Variants in MBD2 observed in about 807,000 individuals in gnomAD.
MBD2 encodes methyl-CpG binding domain protein 2.
Under a neutral mutation model 39.3 loss-of-function variants are expected in MBD2, and 9 were observed. The ratio of observed to expected loss-of-function variants is 0.23; its 90% CI spans 0.14 to 0.40. MBD2 has a LOEUF of 0.40. Among genes scored for constraint, MBD2 ranks in the 10% least tolerant of loss-of-function variants. The pLI is 1.00. For missense variants in MBD2, 458 were observed against 532.6 expected, an observed-to-expected ratio of 0.86 and a Z score of 1.38; for synonymous variants, 233 against 211.1, an observed-to-expected ratio of 1.10 and a Z score of -0.90.
chr18:54,173,462 C>T (rs1270702733), intron 3 of MBD2, among the ~76,000 whole-genome samples: 3 of 152,098 alleles, frequency 2.0e-5, no homozygotes, highest in East Asian at 3.9e-4. Context: ...GCAAGTATGA[C>T]GCAGCAGTAG....
chr18:54,152,605 C>T lies in MBD2; in HGVS notation c.*2719G>A, dbSNP rs1225266790. Reference sequence around the variant, plus strand: ...AATAAAATACAGACTTAGAAAATGTCTACAAAAGAAATAGGGTGCTGAGGC... The same window carrying T: ...AATAAAATACAGACTTAGAAAATGTTTACAAAAGAAATAGGGTGCTGAGGC... On this transcript the variant is annotated 3_prime_UTR_variant, in exon 7 of 7. Transcript: ENST00000256429. 2 of 152,156 alleles carry T rather than the reference C, an allele frequency of 1.3e-5. No individual in the cohort carries two copies. The highest frequency in any genetic ancestry group is 4.8e-5 in the African/African-American group (2 of 41,432). 9.4% of individuals were successfully genotyped at this position (152,156 alleles called of 1,614,324 possible). A position where few individuals can be genotyped will look rare whatever the true frequency, so the allele number is the denominator to read the frequency against.
At chr18:54,189,775 G>A (rs562902242) in intron 2 of MBD2, among the ~76,000 whole-genome samples, 2 of 151,910 alleles carry the variant, frequency 1.3e-5, no homozygotes, top group Non-Finnish European at 2.9e-5. Context: ...TCAGCCTCCC[G>A]AGTAGCTGGG....
At chr18:54,201,056 G>A (rs1186499095) in intron 2 of MBD2, among the ~76,000 whole-genome samples, 1 of 151,410 alleles carries the variant, frequency 6.6e-6, no homozygotes, top group Non-Finnish European at 1.5e-5. Flanking sequence ...CTCCAGCCTG[G>A]GCGACAGAGC....
chr18:54,198,288 G>T (rs1281346719), intron 2 of MBD2, among the ~76,000 whole-genome samples: 1 of 152,216 alleles, frequency 6.6e-6, no homozygotes, highest in African/African-American at 2.4e-5. Flanking sequence ...CCTAATCTGA[G>T]CTGCAGCAAG....
chr18:54,182,967 T>A (rs1011307116), intron 3 of MBD2, among the ~76,000 whole-genome samples: 2 of 150,344 alleles, frequency 1.3e-5, no homozygotes, highest in Non-Finnish European at 3.0e-5. Flanking sequence ...AGAGATTAGA[T>A]GAAATGAATA....
chr18:54,211,388 T>TAC (rs113321648), intron 1 of MBD2, among the ~76,000 whole-genome samples: 28,067 of 148,016 alleles, frequency 0.19, 2,739 homozygotes, highest in Non-Finnish European at 0.21. Flanking sequence ...ATTATTGCTA[T>TAC]ACACACACAC....
At chr18:54,172,476 A>T (rs1196624477) in intron 3 of MBD2, among the ~76,000 whole-genome samples, 1 of 152,192 alleles carries the variant, frequency 6.6e-6, no homozygotes, top group Non-Finnish European at 1.5e-5. Context: ...TATATAACTG[A>T]AGGCTTTTGA....
intron 2 of MBD2, among the ~76,000 whole-genome samples, chr18:54,201,221 C>T (rs896574023): frequency 6.6e-6 from 1 of 152,180 alleles, no homozygotes; most frequent in African/African-American, 2.4e-5. Flanking sequence ...CCTTTAAGGT[C>T]TGAGAAACCT....
At chr18:54,193,048 T>C (rs2086333959) in intron 2 of MBD2, among the ~76,000 whole-genome samples, 1 of 152,212 alleles carries the variant, frequency 6.6e-6, no homozygotes, top group African/African-American at 2.4e-5. Flanking sequence ...TCTAAAACAG[T>C]ATCACATGAA....
At chr18:54,162,342 C>T (rs1040500647) in intron 5 of MBD2, among the ~76,000 whole-genome samples, 16 of 152,176 alleles carry the variant, frequency 1.1e-4, no homozygotes, top group African/African-American at 3.9e-4. Context: ...TTGGGGTCTT[C>T]AGCTGGAGGT....
chr18:54,219,957 T>C (rs7241787), intron 1 of MBD2, among the ~76,000 whole-genome samples: 15,293 of 152,222 alleles, frequency 0.1, 2,614 homozygotes, highest in African/African-American at 0.35. Flanking sequence ...TCTGCCACCA[T>C]GCCTGGCTAA....
chr18:54,210,849 A>G (rs1000177563), intron 1 of MBD2, among the ~76,000 whole-genome samples: 4 of 151,776 alleles, frequency 2.6e-5, no homozygotes, highest in African/African-American at 9.7e-5. Context: ...TGAGACTAAA[A>G]GAAACATCAA....
chr18:54,158,710 C>A (rs1380443441), intron 6 of MBD2, among the ~76,000 whole-genome samples: 1 of 152,160 alleles, frequency 6.6e-6, no homozygotes, highest in African/African-American at 2.4e-5. Flanking sequence ...CAACCTCTGC[C>A]TCCCGGGTTC....
chr18:54,222,981 T>C (rs886287119), intron 1 of MBD2, among the ~76,000 whole-genome samples: 1 of 152,242 alleles, frequency 6.6e-6, no homozygotes, highest in Admixed American at 6.5e-5. Flanking sequence ...ATTATTACAA[T>C]AGCTAAATGA....
intron 2 of MBD2, among the ~76,000 whole-genome samples, chr18:54,194,348 A>G (rs2086347560): frequency 6.6e-6 from 1 of 152,090 alleles, no homozygotes; most frequent in Non-Finnish European, 1.5e-5. Context: ...TACTCTTTGA[A>G]TAATTCCATT....
rs756585233 is a variant in MBD2 at position 54,224,214 on chromosome 18, TGCCGCC to T, written c.340_345del (p.Gly114_Gly115del). On this transcript the variant is annotated inframe_deletion, in exon 1 of 7. Transcript: ENST00000256429. ...CGCCGGGGGGCGCCGCCGCCACCGCTGCCGCCGCCGCCGCAGCCGCCGCCGTCGCCG... is the reference window on the plus strand; with the variant it reads ...CGCCGGGGGGCGCCGCCGCCACCGCTGCCGCCGCAGCCGCCGCCGTCGCCG... 36 of 1,121,450 alleles carry T rather than the reference TGCCGCC, an allele frequency of 3.2e-5. No homozygotes were observed. Among genetic ancestry groups the T allele is most frequent in the South Asian group, 4.3e-5 (1 of 23,432 alleles). 69.5% of individuals were successfully genotyped at this position (1,121,450 alleles called of 1,614,324 possible).
intron 3 of MBD2, among the ~76,000 whole-genome samples, chr18:54,174,376 A>G (rs2086196927): frequency 6.6e-6 from 1 of 152,222 alleles, no homozygotes; most frequent in Non-Finnish European, 1.5e-5. Flanking sequence ...AGAAACAGAA[A>G]GAAGGGCCCC....
intron 3 of MBD2, among the ~76,000 whole-genome samples, chr18:54,180,890 A>ATTTTTTTTTTTTTTTT (rs1568083459): frequency 1.1e-4 from 13 of 114,588 alleles, no homozygotes; most frequent in African/African-American, 4.8e-4. Context: ...GTATTCCTTA[A>ATTTTTTTTTTTTTTTT]TTTTTTCTTT....
At chr18:54,218,610 T>C (rs1364386545) in intron 1 of MBD2, among the ~76,000 whole-genome samples, 6 of 152,144 alleles carry the variant, frequency 3.9e-5, no homozygotes, top group African/African-American at 4.8e-5. Flanking sequence ...TACTTCCCTT[T>C]GCTAACTCCC....
Sources: gnomAD v4.1 joint callset for allele counts (sites outside exome capture counted in the v4.1 genomes callset) on GRCh38, gnomAD v4.1.1 for gene constraint, MANE v1.5 for transcripts, NCBI Gene and HGNC (gene_info 2026-07-23, HGNC 2026-07-21) for gene names.